The following KPTN variants were observed in gnomAD, a reference collection of about 807,000 sequenced individuals.
KPTN encodes kaptin, actin binding protein, also known as KICSTOR complex protein kaptin.
KPTN carries 36 observed loss-of-function variants against 52.6 expected under a neutral mutation model. The ratio of observed to expected loss-of-function variants is 0.68; its 90% CI spans 0.52 to 0.90. The LOEUF (loss-of-function observed/expected upper bound fraction) is 0.90. Ranked by LOEUF, KPTN falls within the 40% of genes least tolerant of loss-of-function variation. The pLI is 0.00. For missense variants in KPTN, 529 were observed against 576.2 expected (o/e 0.92, Z 0.84); for synonymous variants, 271 against 248.4 (o/e 1.09, Z -0.85).
intron 9 of KPTN, among the ~76,000 whole-genome samples, chr19:47,477,425 G>C (rs1242068793): frequency 6.6e-6 from 1 of 152,066 alleles, no homozygotes; most frequent in Non-Finnish European, 1.5e-5. Flanking sequence ...TACAAACCTG[G>C]GCTTTCCTCG....
intron 11 of KPTN, chr19:47,476,279 A>G (rs1451333996): frequency 3.7e-6 from 1 of 270,574 alleles, no homozygotes; most frequent in East Asian, 5.8e-5. Context: ...ACTGCGCTAG[A>G]GCCTGGGTGA....
In KPTN at chr19:47,484,052, C is replaced by T. The variant is rs1193999736; in HGVS notation, c.109G>A (p.Gly37Arg). ...NVYGLAGGAG[G>R]RGELLAATLK... ...GTGGCGGCCAGCAGCTCCCCGCGCC[C>T]GCCGGCGCCGCCTGCCAGCCCGTAC... The change falls in exon 1 of 12, where the codon GGG (glycine) becomes AGG (arginine). Residue 37 changes from glycine to arginine, a missense_variant. Gly to Arg is a moderately radical substitution (Grantham distance 125). Coordinates refer to ENST00000338134, the MANE Select transcript of KPTN (RefSeq NM_007059.4). 3 of 1,610,704 alleles carry T rather than the reference C, an allele frequency of 1.9e-6. No individual in the cohort carries two copies. The highest frequency in any genetic ancestry group is 3.3e-5 in the Admixed American group (2 of 59,980).
At chr19:47,485,238 T>C (rs1278273468), upstream of KPTN, among the ~76,000 whole-genome samples, 3 of 152,158 alleles carry the variant, frequency 2.0e-5, no homozygotes, top group Non-Finnish European at 4.4e-5. Flanking sequence ...CCGGACGTCC[T>C]TTGCAAATCT....
In KPTN at chr19:47,476,886, G is replaced by C. The variant is rs1967690194; in HGVS notation, c.916C>G (p.Gln306Glu). The C allele has an allele frequency of 6.4e-7, 1 of 1,563,740 alleles. No individual in the cohort carries two copies. Among genetic ancestry groups the C allele is most frequent in the South Asian group, 1.2e-5 (1 of 85,004 alleles). ...EDQLLLPGSD[Q>E]FDSVLCSLVT... ...AGGCTGCAGAGGACGCTGTCAAACT[G>C]GTCACTGCCGGGCAGGAGAAGCTGG... is the stretch of plus-strand genomic sequence containing the variant. The change falls in exon 10 of 12, where the codon CAG becomes GAG. Residue 306 changes from glutamine (Q) to glutamate (E), a missense_variant. By Grantham distance (29) the Gln-to-Glu change is conservative (BLOSUM62 2). Transcript: ENST00000338134.
At chr19:47,480,241 G>C in intron 7 of KPTN, 57 bp downstream of exon 7, 2 of 642,796 alleles carry the variant, frequency 3.1e-6, no homozygotes, top group South Asian at 1.9e-5. Flanking sequence ...GCCCCACCCT[G>C]GCCCCGCCCT....
In KPTN at chr19:47,483,356, G is replaced by A. The variant is rs762569723; in HGVS notation, c.333C>T (p.Pro111=). The A allele has an allele frequency of 6.2e-7, 1 of 1,614,028 alleles. No individual in the cohort carries two copies. The highest frequency in any genetic ancestry group is 2.2e-5 in the East Asian group (1 of 44,862). The change falls in exon 3 of 12, where the codon CCC becomes CCT. Residue 111 remains proline, a synonymous_variant. Transcript: ENST00000338134. ...CGTAGTCGCAGTAAATGTTCAGGAA[G>A]GGGCTGCCCTTGTCCCCTGAATCCT... ...FIKDSGDKGS[P]FLNIYCDYEP...
At position 47,483,742 on chromosome 19, in the gene KPTN, T is replaced by C. The variant is rs946652646; in HGVS notation, c.227-158A>G. ...TCCCTGGGTACTAGGGATCCTGACC[T>C]GTAAGTCTGAAGAATCCTGAAACCC... is the stretch of plus-strand genomic sequence containing the variant. On this transcript the variant is annotated intron_variant, in intron 1 of 11. Coordinates refer to ENST00000338134, the MANE Select transcript of KPTN (RefSeq NM_007059.4). 2.6e-5 allele frequency: 24 copies of C among 922,088 alleles called. No homozygotes were observed. The African/African-American group carries it at 3.5e-4, about 14-fold the overall frequency. The allele number at this position is 922,088 out of a possible 1,614,324, so 57.1% of individuals were successfully genotyped here. A position where few individuals can be genotyped will look rare whatever the true frequency, so the allele number is the denominator to read the frequency against.
rs778956369 is a variant in KPTN at position 47,475,451 on chromosome 19, C to T, written c.1276G>A (p.Ala426Thr). 15 of 1,613,134 alleles carry T rather than the reference C, an allele frequency of 9.3e-6. No individual in the cohort carries two copies. The highest frequency in any genetic ancestry group is 1.2e-5 in the Non-Finnish European group (14 of 1,179,458). The stretch of plus-strand genomic sequence containing the variant: ...GCATTCTCAGCAGGCCCTGCACCTG[C>T]CCCGTCCTCCAACCCCTGTAGCCGA... ...RRRLQGLEDGAGAGPAENAAS is the reference protein window; with the variant it reads ...RRRLQGLEDGTGAGPAENAAS Residue 426 changes from alanine to threonine, a missense_variant, in exon 12 of 12, where the codon GCA becomes ACA. Ala to Thr is a moderately conservative substitution (Grantham distance 58, BLOSUM62 0). Transcript: ENST00000338134.
chr19:47,479,286 G>A (rs762602870), intron 8 of KPTN, among the ~76,000 whole-genome samples: 3 of 152,326 alleles, frequency 2.0e-5, no homozygotes, highest in Non-Finnish European at 2.9e-5. Context: ...CAGGTGATCC[G>A]TCCGCTTCGG....
intron 8 of KPTN, among the ~76,000 whole-genome samples, chr19:47,479,327 G>C (rs1366948009): frequency 1.3e-5 from 2 of 152,176 alleles, no homozygotes; most frequent in Admixed American, 1.3e-4. Context: ...ACCGCGCCTA[G>C]TCAAAACTTT....
At position 47,480,284 on chromosome 19, in the gene KPTN, A is replaced by G; in HGVS notation, c.709+14T>C. Reference sequence around the variant, plus strand: ...TCAACCCCACCCCTTACCCCGCCTCACCGCGGCCCTCACCTCGACTCCGCT... The same window carrying G: ...TCAACCCCACCCCTTACCCCGCCTCGCCGCGGCCCTCACCTCGACTCCGCT... On this transcript the variant is annotated intron_variant, in intron 7 of 11. Coordinates refer to ENST00000338134, the MANE Select transcript of KPTN (RefSeq NM_007059.4). 1.4e-6 allele frequency: 2 copies of G among 1,452,778 alleles called. No individual in the cohort carries two copies. Among genetic ancestry groups the G allele is most frequent in the Non-Finnish European group, 9.2e-7 (1 of 1,085,122 alleles). The allele number at this position is 1,452,778 out of a possible 1,614,324, so 90.0% of individuals were successfully genotyped here.
At chr19:47,480,456 C>T in intron 6 of KPTN, 49 bp from the exon 7 acceptor site, 1 of 1,361,200 alleles carries the variant, frequency 7.3e-7, no homozygotes, top group Non-Finnish European at 1.0e-6. Flanking sequence ...CTGGGCCCAG[C>T]CCCGCCCCTC....
chr19:47,477,922 T>G, intron 8 of KPTN, 141 bp from the exon 9 acceptor site: 1 of 564,674 alleles, frequency 1.8e-6, no homozygotes, highest in Non-Finnish European at 3.3e-6. Context: ...TAGCCGGGCA[T>G]GGTGGCGGGC....
In KPTN at chr19:47,476,643, C is replaced by G. The variant is rs769464135; in HGVS notation, c.1071G>C (p.Leu357=). The G allele has an allele frequency of 4.3e-6, 7 of 1,612,938 alleles. No homozygotes were observed. The Admixed American group carries it at 6.7e-5, about 15-fold the overall frequency. ...GGGGACTGGAGAAGCTCCGCTGCCA[C>G]AGCAGATGGAACCCGTGCTGGGCCT... ...LPEAQHGFHL[L]WQRSFSSPLL... The change falls in exon 11 of 12, where the codon CTG becomes CTC. Residue 357 remains leucine, a synonymous_variant. Coordinates refer to ENST00000338134, the MANE Select transcript of KPTN (RefSeq NM_007059.4).
intron 4 of KPTN, 165 bp downstream of exon 4, chr19:47,482,996 C>T: frequency 4.1e-6 from 3 of 731,144 alleles, no homozygotes; most frequent in South Asian, 1.6e-5. Context: ...TGTGAGCCAC[C>T]GTGCCCGGCT....
chr19:47,483,083 TAAGTA>T (rs1464011148), intron 4 of KPTN, 73 bp downstream of exon 4: 1 of 1,341,344 alleles, frequency 7.5e-7, no homozygotes, highest in Non-Finnish European at 1.1e-6. Flanking sequence ...CAGGGGTCTG[TAAGTA>T]AAGAAGGGGT....
rs1312291963 is a variant in KPTN, at chr19:47,483,951, C to G, written c.210G>C (p.Gln70His). 2 of 1,613,574 alleles carry G rather than the reference C, an allele frequency of 1.2e-6. No homozygotes were observed. Among genetic ancestry groups the G allele is most frequent in the African/African-American group, 2.7e-5 (2 of 74,830 alleles). The change falls in exon 1 of 12, where the codon CAG (glutamine) becomes CAC (histidine). Residue 70 changes from glutamine to histidine, a missense_variant. By Grantham distance (24) the Gln-to-His change is conservative (BLOSUM62 0). Coordinates refer to ENST00000338134, the MANE Select transcript of KPTN (RefSeq NM_007059.4). The part of the protein sequence containing the change: ...QKIRPVAKEL[Q>H]FNYIPVDAEI... Reference sequence around the variant, plus strand: ...GCCACCCACCGGGAATGTAGTTGAACTGCAGCTCCTTGGCCACTGGCCGGA... The same window carrying G: ...GCCACCCACCGGGAATGTAGTTGAAGTGCAGCTCCTTGGCCACTGGCCGGA...
chr19:47,485,660 C>T (rs921602780), upstream of KPTN, among the ~76,000 whole-genome samples: 1 of 152,178 alleles, frequency 6.6e-6, no homozygotes, highest in African/African-American at 2.4e-5. Context: ...AAATCACAAA[C>T]TATGTGCTGA....
At position 47,475,358 on chromosome 19, in the gene KPTN, C is replaced by T; in HGVS notation, c.*58G>A. 1 of 1,583,864 alleles carries T rather than the reference C, an allele frequency of 6.3e-7. No homozygotes were observed. The highest frequency in any genetic ancestry group is 8.6e-7 in the Non-Finnish European group (1 of 1,161,758). The stretch of plus-strand genomic sequence containing the variant: ...CCTTCAGGACACCCCCCACCAGCGG[C>T]TGGAGGTGAGCACGCCATGAGTCGC... On this transcript the variant is annotated 3_prime_UTR_variant, in exon 12 of 12. Coordinates refer to ENST00000338134, the MANE Select transcript of KPTN (RefSeq NM_007059.4).
Sources: allele counts gnomAD v4.1 joint callset (sites outside exome capture counted in the v4.1 genomes callset), GRCh38; gene constraint gnomAD v4.1.1; transcripts MANE v1.5; gene names NCBI Gene and HGNC (gene_info 2026-07-23, HGNC 2026-07-21).